The following SYNE1 variants were observed in gnomAD, a reference collection of about 807,000 sequenced individuals.
The protein encoded by SYNE1 is spectrin repeat containing nuclear envelope protein 1, also known as nesprin-1.
In SYNE1, 616 loss-of-function variants were observed where a neutral mutation model predicts 1,111.0. That is an observed-to-expected ratio of 0.55 (90% CI 0.52 to 0.59). SYNE1 has a LOEUF of 0.59. Ranked by LOEUF, SYNE1 falls within the 20% of genes least tolerant of loss-of-function variation. The pLI is 0.00. For missense variants in SYNE1, 10,006 were observed against 10,417.0 expected, an observed-to-expected ratio of 0.96 and a Z score of 1.72; for synonymous variants, 3,855 against 3,825.8, an observed-to-expected ratio of 1.01 and a Z score of -0.28.
chr6:152,363,351 G>A (rs1028735847), intron 63 of SYNE1, among the ~76,000 whole-genome samples: 34 of 148,884 alleles, frequency 2.3e-4, no homozygotes, highest in East Asian at 4.1e-4. Context: ...AAAATTAGCC[G>A]GGCATGGTGG....
chr6:152,145,201 T>A, intron 137 of SYNE1: 1 of 447,020 alleles, frequency 2.2e-6, no homozygotes, highest in Non-Finnish European at 4.2e-6. Context: ...ATGACTGGGT[T>A]TTCCTTCTCA....
intron 130 of SYNE1, among the ~76,000 whole-genome samples, chr6:152,171,350 T>C (rs1031231045): frequency 1.3e-5 from 2 of 152,242 alleles, no homozygotes; most frequent in Non-Finnish European, 2.9e-5. Flanking sequence ...TTTTCCACCC[T>C]ATGGTTTAGA....
Position 152,334,054 on chromosome 6 carries a change from C to G in SYNE1, c.12748G>C (p.Glu4250Gln). The G allele has an allele frequency of 6.2e-7, 1 of 1,614,188 alleles. No individual in the cohort carries two copies. The highest frequency in any genetic ancestry group is 8.5e-7 in the Non-Finnish European group (1 of 1,180,042). The change falls in exon 77 of 146, where the codon GAA (glutamate) becomes CAA (glutamine). Residue 4250 changes from glutamate to glutamine, a missense_variant. Glu to Gln is a conservative substitution (Grantham distance 29, BLOSUM62 2). Around this residue, in one of 7 missense-constraint regions of SYNE1, gnomAD observed 4,955 missense variants for 5,017.2 expected, o/e 0.99. Transcript: ENST00000367255. The part of the protein sequence containing the change: ...RDYHDCMNVV[E>Q]VFLEKFTTEW... Reference sequence around the variant, plus strand: ...GTAGTAAATTTTTCTAGGAACACTTCAACAACATTCATACAGTCATGGTAA... The same window carrying G: ...GTAGTAAATTTTTCTAGGAACACTTGAACAACATTCATACAGTCATGGTAA...
Position 152,256,632 on chromosome 6 carries a change from A to G in SYNE1, c.19104+2T>C, listed in dbSNP as rs201760360. ...CCAAACACACTGATAACACAGCCTT[A>G]CCTGGGATGAAACCTCCTCGAAGGC... is the stretch of plus-strand genomic sequence containing the variant. On this transcript the variant is annotated splice_donor_variant, in intron 102 of 145. Coordinates refer to ENST00000367255, the MANE Select transcript of SYNE1 (RefSeq NM_182961.4). LOFTEE classifies it high-confidence loss of function. The G allele has an allele frequency of 2.0e-5, 33 of 1,613,284 alleles. No individual in the cohort carries two copies. Among genetic ancestry groups the G allele is most frequent in the Non-Finnish European group, 2.1e-5 (25 of 1,179,578 alleles).
chr6:152,214,462 T>C (rs902849950), intron 122 of SYNE1, among the ~76,000 whole-genome samples: 2 of 152,226 alleles, frequency 1.3e-5, no homozygotes, highest in Non-Finnish European at 2.9e-5. Context: ...TATTGATACA[T>C]TGGTGCTATG....
In SYNE1 at chr6:152,346,711, GA is replaced by G. The variant is rs543033875; in HGVS notation, c.12078+347del. ...TGTAGTCCCAGCTACTCGGGAGGCT[GA>G]AGTAGGAGAATGGCGTGAACCTGGG... On this transcript the variant is annotated intron_variant, in intron 73 of 145. Transcript: ENST00000367255. Among the ~76,000 whole-genome samples, 382 of 152,128 alleles carry G rather than the reference GA, an allele frequency of 2.5e-3. 5 individuals are homozygous for G. The highest frequency in any genetic ancestry group is 0.024 in the East Asian group (123 of 5,090).
intron 3 of SYNE1, among the ~76,000 whole-genome samples, chr6:152,621,889 A>G (rs1583585612): frequency 6.6e-6 from 1 of 152,214 alleles, no homozygotes; most frequent in Non-Finnish European, 1.5e-5. Context: ...AACTGATTTT[A>G]TAGTAAAAAA....
intron 36 of SYNE1, 54 bp downstream of exon 36, chr6:152,430,058 G>C (rs1563959967): frequency 3.2e-6 from 4 of 1,249,918 alleles, no homozygotes; most frequent in African/African-American, 3.0e-5. Flanking sequence ...TTTCAAGTGG[G>C]AATTATCAAA....
At chr6:152,621,707 A>G (rs1727048) in intron 3 of SYNE1, among the ~76,000 whole-genome samples, 107,688 of 151,282 alleles carry the variant, frequency 0.71, 38,364 homozygotes, top group East Asian at 0.82. Context: ...TAGGTTGGCA[A>G]ACAGAGAGGC....
intron 19 of SYNE1, 105 bp from the exon 20 acceptor site, chr6:152,462,995 G>T: frequency 7.4e-7 from 1 of 1,349,032 alleles, no homozygotes. Context: ...TATCCGGTAA[G>T]AAAGACTCTA....
intron 138 of SYNE1, among the ~76,000 whole-genome samples, chr6:152,143,120 T>C (rs1185232120): frequency 4.6e-5 from 7 of 152,202 alleles, no homozygotes; most frequent in African/African-American, 1.7e-4. Context: ...TGCCTTGCTA[T>C]CTTTTCCCCA....
intron 51 of SYNE1, among the ~76,000 whole-genome samples, chr6:152,394,517 A>C (rs1383804928): frequency 1.3e-5 from 2 of 152,074 alleles, no homozygotes; most frequent in Non-Finnish European, 2.9e-5. Flanking sequence ...TGGAGCACAA[A>C]TTTGGGAGCA....
intron 30 of SYNE1, among the ~76,000 whole-genome samples, chr6:152,443,151 T>A (rs2098547939): frequency 2.0e-5 from 3 of 152,208 alleles, no homozygotes; most frequent in African/African-American, 7.2e-5. Context: ...CTAAGCATTT[T>A]AAAATATTAA....
chr6:152,258,743 C>A (rs979073131), intron 101 of SYNE1, among the ~76,000 whole-genome samples: 4 of 150,172 alleles, frequency 2.7e-5, no homozygotes, highest in Non-Finnish European at 5.9e-5. Flanking sequence ...TTCTTTTTTT[C>A]TTCTTCTTTT....
chr6:152,392,821 C>T (rs747777400), intron 51 of SYNE1, among the ~76,000 whole-genome samples: 1 of 152,198 alleles, frequency 6.6e-6, no homozygotes, highest in Non-Finnish European at 1.5e-5. Flanking sequence ...GATTTCCCTT[C>T]TTACTATGAG....
At chr6:152,376,662 TTAGTAATATA>T (rs2097287265) in intron 57 of SYNE1, 104 bp from the exon 58 acceptor site, 1 of 1,556,796 alleles carries the variant, frequency 6.4e-7, no homozygotes, top group Non-Finnish European at 8.8e-7. Context: ...CTTACCTCAC[TTAGTAATATA>T]TTTAATGCTG....
chr6:152,164,382 C>G lies in SYNE1; in HGVS notation c.23628-57G>C, dbSNP rs2063185294. The G allele has an allele frequency of 3.1e-6, 5 of 1,605,732 alleles. No homozygotes were observed. The Admixed American group carries it at 5.0e-5, about 16-fold the overall frequency. The stretch of plus-strand genomic sequence containing the variant: ...CAGCGAGAGGCCCACTCATGTTTCT[C>G]TAGCGTGCAGAGGAGAACACTGGGC... On this transcript the variant is annotated intron_variant, in intron 130 of 145. Transcript: ENST00000367255.
intron 73 of SYNE1, 38 bp from the exon 74 acceptor site, chr6:152,344,265 C>T (rs2096591870): frequency 1.2e-6 from 2 of 1,613,414 alleles, no homozygotes; most frequent in South Asian, 1.1e-5. Flanking sequence ...ATGAGAACTG[C>T]TTTCTACCTC....
intron 3 of SYNE1, among the ~76,000 whole-genome samples, chr6:152,571,153 A>G (rs1350650731): frequency 6.6e-6 from 1 of 152,236 alleles, no homozygotes; most frequent in Admixed American, 6.5e-5. Context: ...ACCTGTAAAC[A>G]TTACCTTACA....
Sources: allele counts gnomAD v4.1 joint callset (sites outside exome capture counted in the v4.1 genomes callset), GRCh38; gene constraint gnomAD v4.1.1; regional missense constraint gnomAD v4.1.1; transcripts MANE v1.5; gene names NCBI Gene and HGNC (gene_info 2026-07-23, HGNC 2026-07-21).